Variants in IRAK4 observed in about 807,000 individuals in gnomAD.
IRAK4 encodes interleukin-1 receptor-associated kinase 4.
In IRAK4, 44 loss-of-function variants were observed where a neutral mutation model predicts 51.8. That is an observed-to-expected ratio of 0.85 (90% CI 0.67 to 1.09). The LOEUF is 1.09. Ranked by LOEUF, IRAK4 falls within the 50% of genes least tolerant of loss-of-function variation. IRAK4 has a pLI of 0.00. For synonymous variants in IRAK4, 149 were observed against 174.1 expected (o/e 0.86, Z 1.13); for missense variants, 487 against 538.0 (o/e 0.91, Z 0.94).
At chr12:43,779,973 A>G (rs1346777982) in intron 8 of IRAK4, among the ~76,000 whole-genome samples, 1 of 152,208 alleles carries the variant, frequency 6.6e-6, no homozygotes, top group Non-Finnish European at 1.5e-5. Context: ...GGGGAACCCT[A>G]AGACTTAATG....
chr12:43,759,985 T>A (rs1939312224), intron 1 of IRAK4, among the ~76,000 whole-genome samples: 1 of 152,088 alleles, frequency 6.6e-6, no homozygotes, highest in Admixed American at 6.5e-5. Context: ...CCAAGGCCCC[T>A]GGTAAGCAGA....
chr12:43,789,248 A>G lies in IRAK4; in HGVS notation c.*2533A>G, dbSNP rs1416549791. ...GATCCCTCATGAATGGCTTAGAGCC[A>G]CTGGTGATGAGTGAGTTCTCACTCA... On this transcript the variant is annotated 3_prime_UTR_variant, in exon 12 of 12. Coordinates refer to ENST00000613694, the MANE Select transcript of IRAK4 (RefSeq NM_016123.4). The G allele has an allele frequency of 2.0e-5, 3 of 152,130 alleles. No homozygotes were observed. Among genetic ancestry groups the G allele is most frequent in the Non-Finnish European group, 4.4e-5 (3 of 68,040 alleles). 9.4% of individuals were successfully genotyped at this position (152,130 alleles called of 1,614,324 possible).
rs1940831418 is a variant in IRAK4 at position 43,772,161 on chromosome 12, A to G, written c.308-19A>G. The G allele has an allele frequency of 6.2e-7, 1 of 1,603,692 alleles. No homozygotes were observed. The highest frequency in any genetic ancestry group is 8.5e-7 in the Non-Finnish European group (1 of 1,172,160). ...TTTTTCTTACTGAAAAACCACTTGT[A>G]TCTTACTTCATTTGTTAGATGCTGT... On this transcript the variant is annotated intron_variant, in intron 3 of 11. Coordinates refer to ENST00000613694, the MANE Select transcript of IRAK4 (RefSeq NM_016123.4).
At chr12:43,775,873 A>ATTTTTTTTTTT (rs1941212405) in intron 6 of IRAK4, among the ~76,000 whole-genome samples, 1 of 119,518 alleles carries the variant, frequency 8.4e-6, no homozygotes, top group Non-Finnish European at 1.7e-5. Flanking sequence ...TAATATCATT[A>ATTTTTTTTTTT]CTTTTTTTTT....
At chr12:43,778,786 T>A (rs1460490986) in intron 8 of IRAK4, among the ~76,000 whole-genome samples, 1 of 151,706 alleles carries the variant, frequency 6.6e-6, no homozygotes, top group Non-Finnish European at 1.5e-5. Context: ...ATATTATATG[T>A]ATTATTATTA....
At chr12:43,774,727 T>C (rs1941114445) in intron 6 of IRAK4, among the ~76,000 whole-genome samples, 1 of 152,236 alleles carries the variant, frequency 6.6e-6, no homozygotes, top group Admixed American at 6.5e-5. Context: ...AGTCATGTTA[T>C]CTGTAAGGAT....
intron 8 of IRAK4, 113 bp downstream of exon 8, chr12:43,778,415 C>T: frequency 1.4e-6 from 1 of 692,018 alleles, no homozygotes; most frequent in Non-Finnish European, 2.7e-6. Flanking sequence ...GACTTTTTTC[C>T]CATCACTCCA....
At chr12:43,766,844 G>A (rs1940201140) in intron 1 of IRAK4, among the ~76,000 whole-genome samples, 1 of 152,150 alleles carries the variant, frequency 6.6e-6, no homozygotes, top group African/African-American at 2.4e-5. Context: ...AATTAGCATG[G>A]TCCTGAACTC....
rs775937250 is a variant in IRAK4, at chr12:43,778,242, G to A, written c.881G>A (p.Gly294Asp). ...CACATGAGATGCAAGATTGCTCAGG[G>A]TGCAGCTAATGGCATCAATTTTCTA... is the stretch of plus-strand genomic sequence containing the variant. ...SWHMRCKIAQ[G>D]AANGINFLHE... is the part of the protein sequence containing the mutation. Residue 294 changes from glycine to aspartate, a missense_variant, in exon 8 of 12, where the codon GGT becomes GAT. Physicochemically the swap from Gly to Asp is moderately conservative, Grantham distance 94. Coordinates refer to ENST00000613694, the MANE Select transcript of IRAK4 (RefSeq NM_016123.4). 3 of 1,612,026 alleles carry A rather than the reference G, an allele frequency of 1.9e-6. No individual in the cohort carries two copies. The highest frequency in any genetic ancestry group is 2.2e-5 in the East Asian group (1 of 44,814).
intron 1 of IRAK4, among the ~76,000 whole-genome samples, chr12:43,765,630 C>CA (rs545650660): frequency 0.22 from 30,279 of 140,146 alleles, 4,648 homozygotes; most frequent in African/African-American, 0.46. Flanking sequence ...ATACATTTTG[C>CA]AAAAAAAAAA....
At position 43,788,609 on chromosome 12, in the gene IRAK4, G is replaced by C. The variant is rs969204513; in HGVS notation, c.*1894G>C. 3 of 147,048 alleles carry C rather than the reference G, an allele frequency of 2.0e-5. No homozygotes were observed. Among genetic ancestry groups the C allele is most frequent in the African/African-American group, 7.7e-5 (3 of 38,914 alleles). The allele number at this position is 147,048 out of a possible 1,614,324, so 9.1% of individuals were successfully genotyped here. ...GGCTGGAGTGCAGTGGCACGATCTC[G>C]GCTCACTGCAAGCTCTGCCTCCCAG... On this transcript the variant is annotated 3_prime_UTR_variant, in exon 12 of 12. Transcript: ENST00000613694.
intron 2 of IRAK4, 72 bp downstream of exon 2, chr12:43,768,344 T>C (rs777903480): frequency 1.7e-6 from 2 of 1,162,182 alleles, no homozygotes; most frequent in Non-Finnish European, 1.2e-6. Context: ...GTATAAGTAC[T>C]GTCTAATGTG....
intron 8 of IRAK4, among the ~76,000 whole-genome samples, chr12:43,781,230 C>T (rs1341158169): frequency 6.6e-6 from 1 of 152,126 alleles, no homozygotes; most frequent in Middle Eastern, 3.2e-3. Flanking sequence ...ACCATTTAAA[C>T]CCTCATTATC....
At chr12:43,759,351 C>T (rs1409372234) in intron 1 of IRAK4, 2 of 152,208 alleles carry the variant, frequency 1.3e-5, no homozygotes. Context: ...GAAATGAAGT[C>T]TCTTTTCCCC....
chr12:43,774,864 G>A (rs1941127396), intron 6 of IRAK4, among the ~76,000 whole-genome samples: 1 of 152,206 alleles, frequency 6.6e-6, no homozygotes, highest in Non-Finnish European at 1.5e-5. Context: ...TTGAGTGTGT[G>A]CAACATGCCA....
rs769465559 is a variant in IRAK4 at position 43,782,330 on chromosome 12, C to G, written c.965C>G (p.Ala322Gly). 4 of 1,613,256 alleles carry G rather than the reference C, an allele frequency of 2.5e-6. No individual in the cohort carries two copies. Among genetic ancestry groups the G allele is most frequent in the Admixed American group, 3.3e-5 (2 of 59,988 alleles). The change falls in exon 9 of 12, where the codon GCT (alanine) becomes GGT (glycine). Residue 322 changes from alanine (A) to glycine (G), a missense_variant. Physicochemically the swap from Ala to Gly is moderately conservative, Grantham distance 60. Coordinates refer to ENST00000613694, the MANE Select transcript of IRAK4 (RefSeq NM_016123.4). The part of the protein sequence containing the change: ...IKSANILLDE[A>G]FTAKISDFGL... ...AGTGCAAATATCTTACTGGATGAAG[C>G]TTTTACTGCTAAAATATCTGACTTT... is the stretch of plus-strand genomic sequence containing the variant.
rs1180778067 is a variant in IRAK4, at chr12:43,782,443, T to C, written c.1078T>C (p.Leu360=). Residue 360 remains leucine (L), a synonymous_variant, in exon 9 of 12, where the codon TTG becomes CTG. Transcript: ENST00000613694. ...GTTAYMAPEA[L]RGEITPKSDI... is the part of the protein sequence containing the mutation. ...AACAGCTTATATGGCACCAGAAGCT[T>C]TGCGTGGAGAAATAACACCCAAATC... 2 of 1,613,864 alleles carry C rather than the reference T, an allele frequency of 1.2e-6. No homozygotes were observed. Among genetic ancestry groups the C allele is most frequent in the Non-Finnish European group, 1.7e-6 (2 of 1,179,816 alleles).
chr12:43,766,994 GAGA>G (rs534959182), intron 1 of IRAK4, among the ~76,000 whole-genome samples: 271 of 152,292 alleles, frequency 1.8e-3, no homozygotes, highest in Non-Finnish European at 3.4e-3. Context: ...GAAGTCCAAA[GAGA>G]AGAAGTGAAT....
rs1939100342 is a variant in IRAK4, at chr12:43,758,955, GC to G, written c.-70del. ...CCAACCCGGCAGGCCCCGCCCCTTCGCGGCGCTTCCTAGTTCGGCTGGTTCT... is the reference window on the plus strand; with the variant it reads ...CCAACCCGGCAGGCCCCGCCCCTTCGGGCGCTTCCTAGTTCGGCTGGTTCT... On this transcript the variant is annotated 5_prime_UTR_variant, in exon 1 of 12. Coordinates refer to ENST00000613694, the MANE Select transcript of IRAK4 (RefSeq NM_016123.4). 1 of 155,486 alleles carries G rather than the reference GC, an allele frequency of 6.4e-6. No individual in the cohort carries two copies. 9.6% of individuals were successfully genotyped at this position (155,486 alleles called of 1,614,324 possible). A position where few individuals can be genotyped will look rare whatever the true frequency, so the allele number is the denominator to read the frequency against.
Sources: gnomAD v4.1 joint callset for allele counts (sites outside exome capture counted in the v4.1 genomes callset) on GRCh38, gnomAD v4.1.1 for gene constraint, MANE v1.5 for transcripts, NCBI Gene and HGNC (gene_info 2026-07-23, HGNC 2026-07-21) for gene names.